Variants in CDKAL1 observed in about 807,000 individuals in gnomAD.
The protein encoded by CDKAL1 is CDKAL1 threonylcarbamoyladenosine tRNA methylthiotransferase.
In CDKAL1, 32 loss-of-function variants were observed where a neutral mutation model predicts 68.2. That is an observed-to-expected ratio of 0.47 (90% confidence interval 0.35 to 0.63). CDKAL1 has a LOEUF of 0.63. Among genes scored for constraint, CDKAL1 ranks in the 30% least tolerant of loss-of-function variants. The pLI, the probability that CDKAL1 is intolerant of heterozygous loss-of-function variation, is 0.00. For synonymous variants in CDKAL1, 234 were observed against 244.3 expected (o/e 0.96, Z 0.39); for missense variants, 606 against 696.7 (o/e 0.87, Z 1.47).
chr6:20,870,256 C>G (rs1397491390), intron 9 of CDKAL1, among the ~76,000 whole-genome samples: 2 of 152,188 alleles, frequency 1.3e-5, no homozygotes, highest in Non-Finnish European at 2.9e-5. Context: ...TCCCATCACT[C>G]ATTTCCAACC....
chr6:20,737,454 A>G (rs1380991999), intron 5 of CDKAL1, among the ~76,000 whole-genome samples: 2 of 152,260 alleles, frequency 1.3e-5, no homozygotes, highest in Non-Finnish European at 2.9e-5. Flanking sequence ...ATTGAATAGC[A>G]TTTTAGGAAG....
intron 13 of CDKAL1, among the ~76,000 whole-genome samples, chr6:21,182,588 G>T (rs1311654653): frequency 6.6e-6 from 1 of 152,170 alleles, no homozygotes; most frequent in Non-Finnish European, 1.5e-5. Flanking sequence ...TTTAGTAACA[G>T]AATTGTTTAT....
intron 10 of CDKAL1, among the ~76,000 whole-genome samples, chr6:20,967,390 A>G (rs1158604919): frequency 2.0e-5 from 3 of 152,122 alleles, no homozygotes; most frequent in Admixed American, 6.5e-5. Context: ...ATATATTTTA[A>G]GTCATTTTTA....
chr6:20,657,799 T>G (rs1243653023), intron 5 of CDKAL1, among the ~76,000 whole-genome samples: 1 of 152,196 alleles, frequency 6.6e-6, no homozygotes, highest in Non-Finnish European at 1.5e-5. Context: ...AAAATAGAGA[T>G]AAGAGTGACT....
intron 13 of CDKAL1, among the ~76,000 whole-genome samples, chr6:21,150,057 CCA>C (rs1776341433): frequency 6.6e-6 from 1 of 152,002 alleles, no homozygotes. Flanking sequence ...TGGGGTTTCA[CCA>C]TTGTTAGCCA....
intron 9 of CDKAL1, among the ~76,000 whole-genome samples, chr6:20,860,298 A>G (rs1759546324): frequency 6.6e-6 from 1 of 151,878 alleles, no homozygotes; most frequent in African/African-American, 2.4e-5. Flanking sequence ...AGGCTGGTCT[A>G]AAACTCCTGA....
chr6:20,945,671 G>C (rs2150706712), intron 9 of CDKAL1, among the ~76,000 whole-genome samples: 1 of 152,098 alleles, frequency 6.6e-6, no homozygotes, highest in East Asian at 1.9e-4. Context: ...GAGAATCTGG[G>C]GCACAGTAGT....
intron 4 of CDKAL1, among the ~76,000 whole-genome samples, chr6:20,567,142 G>A (rs12333229): frequency 0.019 from 2,821 of 151,428 alleles, 96 homozygotes; most frequent in African/African-American, 0.063. Context: ...CGAAAAACTT[G>A]GTAACTTTCA....
intron 9 of CDKAL1, among the ~76,000 whole-genome samples, chr6:20,926,605 C>A (rs1200742203): frequency 6.6e-6 from 1 of 151,950 alleles, no homozygotes; most frequent in Non-Finnish European, 1.5e-5. Flanking sequence ...GAAGAAGGGG[C>A]ATCTTACCTT....
At chr6:20,936,311 C>T (rs111884746) in intron 9 of CDKAL1, among the ~76,000 whole-genome samples, 4,312 of 119,520 alleles carry the variant, frequency 0.036, 238 homozygotes, top group African/African-American at 0.13. Flanking sequence ...AGTGCAGTGG[C>T]GGGATCTCGG....
intron 9 of CDKAL1, among the ~76,000 whole-genome samples, chr6:20,896,703 C>G (rs1761708801): frequency 6.6e-6 from 1 of 152,050 alleles, no homozygotes; most frequent in African/African-American, 2.4e-5. Context: ...AGTTAACATT[C>G]CAGTTTAGGA....
At chr6:21,007,978 A>G (rs191997798) in intron 11 of CDKAL1, among the ~76,000 whole-genome samples, 1 of 152,362 alleles carries the variant, frequency 6.6e-6, no homozygotes, top group South Asian at 2.1e-4. Context: ...TACAATGTAC[A>G]CTTAGAAGAG....
intron 4 of CDKAL1, among the ~76,000 whole-genome samples, chr6:20,632,134 A>G (rs77755602): frequency 0.014 from 2,186 of 152,296 alleles, 39 homozygotes; most frequent in African/African-American, 0.049. Context: ...AAATGTGCTT[A>G]ATACACCCAA....
chr6:21,015,231 A>G (rs1260939246), intron 11 of CDKAL1, among the ~76,000 whole-genome samples: 1 of 152,208 alleles, frequency 6.6e-6, no homozygotes, highest in Non-Finnish European at 1.5e-5. Context: ...GTTTCCTCTA[A>G]TTTGTATGAG....
intron 5 of CDKAL1, among the ~76,000 whole-genome samples, chr6:20,651,438 G>A (rs1478889288): frequency 6.6e-6 from 1 of 152,114 alleles, no homozygotes; most frequent in East Asian, 1.9e-4. Context: ...TGCTTATTAG[G>A]TTAAGAAGTT....
intron 9 of CDKAL1, among the ~76,000 whole-genome samples, chr6:20,913,464 C>G (rs1386639296): frequency 6.6e-6 from 1 of 152,174 alleles, no homozygotes; most frequent in Non-Finnish European, 1.5e-5. Flanking sequence ...TTAACTTCAT[C>G]AAAGCCAGCA....
intron 9 of CDKAL1, among the ~76,000 whole-genome samples, chr6:20,909,394 G>A (rs571337252): frequency 5.3e-5 from 8 of 152,212 alleles, no homozygotes; most frequent in South Asian, 2.1e-4. Context: ...GCATCTTTTC[G>A]AATTAATCCA....
chr6:20,813,907 A>G (rs982152835), intron 8 of CDKAL1, among the ~76,000 whole-genome samples: 1 of 151,956 alleles, frequency 6.6e-6, no homozygotes, highest in Non-Finnish European at 1.5e-5. Context: ...TAATATTATA[A>G]ATTATTTACA....
At chr6:20,939,034 C>T (rs1413357798) in intron 9 of CDKAL1, among the ~76,000 whole-genome samples, 1 of 152,108 alleles carries the variant, frequency 6.6e-6, no homozygotes, top group Non-Finnish European at 1.5e-5. Context: ...TTAATTTCTT[C>T]ATTCAGTCAA....
Sources: gnomAD v4.1 joint callset for allele counts (sites outside exome capture counted in the v4.1 genomes callset) on GRCh38, gnomAD v4.1.1 for gene constraint, MANE v1.5 for transcripts, NCBI Gene and HGNC (gene_info 2026-07-23, HGNC 2026-07-21) for gene names.